The following PPM1E variants were observed in gnomAD, a reference collection of about 807,000 sequenced individuals.
PPM1E encodes the protein protein phosphatase, Mg2+/Mn2+ dependent 1E.
In PPM1E, 20 loss-of-function variants were observed where a neutral mutation model predicts 65.9. The observed-to-expected ratio is 0.30, with a 90% CI of 0.21 to 0.44. PPM1E has a LOEUF of 0.44. Among genes scored for constraint, PPM1E ranks in the 20% least tolerant of loss-of-function variants. The pLI is 1.00. For missense variants in PPM1E, 713 were observed against 953.1 expected (o/e 0.75, Z 3.32); for synonymous variants, 352 against 374.9 (o/e 0.94, Z 0.70).
At chr17:58,837,649 C>T (rs1385854039) in intron 1 of PPM1E, among the ~76,000 whole-genome samples, 2 of 152,006 alleles carry the variant, frequency 1.3e-5, no homozygotes, top group Non-Finnish European at 2.9e-5. Flanking sequence ...AGGTGCCCAC[C>T]ACCACTCCCG....
chr17:58,948,127 T>A (rs750397630), intron 1 of PPM1E, among the ~76,000 whole-genome samples: 1 of 152,128 alleles, frequency 6.6e-6, no homozygotes, highest in Non-Finnish European at 1.5e-5. Flanking sequence ...ACAGTATCAC[T>A]TTTGCTACAT....
chr17:58,795,081 A>G (rs1453037111), intron 1 of PPM1E, among the ~76,000 whole-genome samples: 2 of 151,942 alleles, frequency 1.3e-5, no homozygotes, highest in African/African-American at 4.8e-5. Context: ...CAGTAGAGAC[A>G]GGGTTTCACC....
intron 1 of PPM1E, among the ~76,000 whole-genome samples, chr17:58,868,265 G>A (rs1021261802): frequency 6.6e-6 from 1 of 152,178 alleles, no homozygotes. Context: ...GTTGCAGTGA[G>A]CCAAGATTGC....
rs937537642 is a variant in PPM1E at position 58,981,593 on chromosome 17, T to C, written c.*562T>C. The C allele has an allele frequency of 1.3e-5, 2 of 152,646 alleles. No individual in the cohort carries two copies. The highest frequency in any genetic ancestry group is 2.9e-5 in the Non-Finnish European group (2 of 68,078). 9.5% of individuals were successfully genotyped at this position (152,646 alleles called of 1,614,324 possible). On this transcript the variant is annotated 3_prime_UTR_variant, in exon 7 of 7. Transcript: ENST00000308249. ...GATAACAATGAAAGTGGTAAATCAG[T>C]GTAAAAGTGTCATATTCTCAGACTT... is the stretch of plus-strand genomic sequence containing the variant.
chr17:58,844,204 ATATAT>A (rs2143231327), intron 1 of PPM1E, among the ~76,000 whole-genome samples: 1 of 152,310 alleles, frequency 6.6e-6, no homozygotes, highest in African/African-American at 2.4e-5. Context: ...ATATTTACAA[ATATAT>A]TGAATTATTA....
chr17:58,865,735 A>T lies in PPM1E; in HGVS notation c.465-89914A>T, dbSNP rs73331083. On this transcript the variant is annotated intron_variant, in intron 1 of 6. Coordinates refer to ENST00000308249, the MANE Select transcript of PPM1E (RefSeq NM_014906.5). ...ACAAACAAACAAAAGTTTCTTTGTC[A>T]GTTTTCAAATAGTTTATCTCCCCTT... 9.1e-3 allele frequency among the ~76,000 whole-genome samples: 1,379 copies of T among 152,356 alleles called. 25 individuals carry two copies. Among genetic ancestry groups the T allele is most frequent in the African/African-American group, 0.031 (1,274 of 41,586 alleles).
intron 1 of PPM1E, among the ~76,000 whole-genome samples, chr17:58,830,091 C>G (rs1360029654): frequency 1.3e-5 from 2 of 152,058 alleles, no homozygotes; most frequent in Non-Finnish European, 2.9e-5. Flanking sequence ...AGGAGGATCA[C>G]TTGAGCCCAG....
At chr17:58,861,613 T>A (rs1388610738) in intron 1 of PPM1E, among the ~76,000 whole-genome samples, 1 of 152,176 alleles carries the variant, frequency 6.6e-6, no homozygotes, top group Non-Finnish European at 1.5e-5. Context: ...TCACCTTCGT[T>A]GGAGGGAGTC....
chr17:58,929,000 G>A (rs1036265519), intron 1 of PPM1E, among the ~76,000 whole-genome samples: 3 of 152,030 alleles, frequency 2.0e-5, no homozygotes, highest in African/African-American at 4.8e-5. Context: ...CACTGCGCCC[G>A]GCCGAACACA....
chr17:58,764,524 C>G (rs1185683175), intron 1 of PPM1E, among the ~76,000 whole-genome samples: 3 of 152,084 alleles, frequency 2.0e-5, no homozygotes, highest in Admixed American at 2.0e-4. Context: ...CAGCCTCAAA[C>G]TTCTGGGCTC....
At position 58,907,244 on chromosome 17, in the gene PPM1E, T is replaced by TA. The variant is rs36059703; in HGVS notation, c.465-48393dup. On this transcript the variant is annotated intron_variant, in intron 1 of 6. Transcript: ENST00000308249. ...CTGGGAGACACGATGAGACTCCATC[T>TA]AAAAAAAAAAAAGAAAGAAGTGAAT... Among the ~76,000 whole-genome samples, 127 of 145,742 alleles carry TA rather than the reference T, an allele frequency of 8.7e-4. 1 individual carries two copies. The highest frequency in any genetic ancestry group is 2.6e-3 in the African/African-American group (103 of 39,562).
chr17:58,860,515 G>A (rs2050928025), intron 1 of PPM1E, among the ~76,000 whole-genome samples: 1 of 152,186 alleles, frequency 6.6e-6, no homozygotes, highest in African/African-American at 2.4e-5. Flanking sequence ...GAAAGCTGAT[G>A]AAGCTGACCA....
chr17:58,941,487 G>A (rs1328110483), intron 1 of PPM1E, among the ~76,000 whole-genome samples: 1 of 151,832 alleles, frequency 6.6e-6, no homozygotes, highest in African/African-American at 2.4e-5. Flanking sequence ...GAGGTCAAGA[G>A]ATCGAGACCA....
intron 1 of PPM1E, among the ~76,000 whole-genome samples, chr17:58,879,742 C>T (rs977996142): frequency 1.3e-5 from 2 of 151,978 alleles, no homozygotes; most frequent in Admixed American, 1.3e-4. Flanking sequence ...ATCTCCTGAC[C>T]TCGTGATCCA....
chr17:58,780,405 T>A (rs2050039501), intron 1 of PPM1E, among the ~76,000 whole-genome samples: 1 of 152,146 alleles, frequency 6.6e-6, no homozygotes, highest in African/African-American at 2.4e-5. Context: ...GAGGCTGAGG[T>A]GGGAGGATCA....
chr17:58,961,580 G>A (rs2030032521), intron 2 of PPM1E, among the ~76,000 whole-genome samples: 1 of 152,176 alleles, frequency 6.6e-6, no homozygotes. Flanking sequence ...GCAACTGGGA[G>A]TGGTATGAAC....
intron 1 of PPM1E, among the ~76,000 whole-genome samples, chr17:58,813,112 A>T (rs1208512500): frequency 2.0e-5 from 3 of 152,134 alleles, no homozygotes; most frequent in Non-Finnish European, 4.4e-5. Context: ...ATTGTTCTCA[A>T]GTTATTTCAT....
intron 1 of PPM1E, among the ~76,000 whole-genome samples, chr17:58,876,965 A>G (rs1010299056): frequency 2.2e-4 from 33 of 152,202 alleles, no homozygotes; most frequent in African/African-American, 7.5e-4. Context: ...TTGTATTTTC[A>G]GTAGAGACAA....
At position 58,816,741 on chromosome 17, in the gene PPM1E, AATATATATATATATAT is replaced by A. The variant is rs67568496; in HGVS notation, c.464+60319_464+60334del. Among the ~76,000 whole-genome samples the A allele has an allele frequency of 4.7e-3, 401 of 85,212 alleles. 4 individuals are homozygous for A. The highest frequency in any genetic ancestry group is 0.019 in the East Asian group (38 of 1,994). 55.9% of individuals were successfully genotyped at this position (85,212 alleles called of 152,430 possible). A position where few individuals can be genotyped will look rare whatever the true frequency, so the allele number is the denominator to read the frequency against. On this transcript the variant is annotated intron_variant, in intron 1 of 6. Coordinates refer to ENST00000308249, the MANE Select transcript of PPM1E (RefSeq NM_014906.5). ...ATGTTGTAGCATGTATCAGAATATA[AATATATATATATATAT>A]ATATATATATATATATATATATATA... is the stretch of plus-strand genomic sequence containing the variant.
Sources: allele counts gnomAD v4.1 joint callset (sites outside exome capture counted in the v4.1 genomes callset), GRCh38; gene constraint gnomAD v4.1.1; transcripts MANE v1.5; gene names NCBI Gene and HGNC (gene_info 2026-07-23, HGNC 2026-07-21).